Variants in USP25 observed in about 807,000 individuals in gnomAD.
USP25 encodes the protein ubiquitin carboxyl-terminal hydrolase 25.
A neutral mutation model predicts 158.5 loss-of-function variants in USP25; 85 were observed. That is an observed-to-expected ratio of 0.54 (90% CI 0.45 to 0.64). The LOEUF is 0.64. Among genes scored for constraint, USP25 ranks in the 30% least tolerant of loss-of-function variants. The pLI, the probability that USP25 is intolerant of heterozygous loss-of-function variation, is 0.00. For missense variants in USP25, 1,242 were observed against 1,327.3 expected, an observed-to-expected ratio of 0.94 and a Z score of 1.00; for synonymous variants, 464 against 460.4, an observed-to-expected ratio of 1.01 and a Z score of -0.10.
chr21:15,738,148 A>C (rs977133958), intron 1 of USP25, among the ~76,000 whole-genome samples: 1 of 152,044 alleles, frequency 6.6e-6, no homozygotes, highest in Admixed American at 6.5e-5. Context: ...TTAATGCAAA[A>C]TTTTTTTCCC....
At chr21:15,872,799 G>C (rs934844565) in intron 23 of USP25, among the ~76,000 whole-genome samples, 1 of 152,004 alleles carries the variant, frequency 6.6e-6, no homozygotes, top group Non-Finnish European at 1.5e-5. Flanking sequence ...TTTAACATTT[G>C]GGATGTGGAA....
intron 17 of USP25, among the ~76,000 whole-genome samples, chr21:15,835,324 A>G (rs1391277903): frequency 6.6e-6 from 1 of 152,094 alleles, no homozygotes; most frequent in African/African-American, 2.4e-5. Flanking sequence ...CATCTCTCCA[A>G]ATTTTCAGAG....
chr21:15,788,823 T>C (rs1035991455), intron 4 of USP25, among the ~76,000 whole-genome samples: 1 of 152,112 alleles, frequency 6.6e-6, no homozygotes, highest in Admixed American at 6.6e-5. Context: ...ACCATATGAC[T>C]GAATTGAGCT....
intron 17 of USP25, among the ~76,000 whole-genome samples, chr21:15,838,686 A>G (rs2038180780): frequency 6.6e-6 from 1 of 152,194 alleles, no homozygotes; most frequent in Non-Finnish European, 1.5e-5. Context: ...TCCGCTTTAA[A>G]TCTTCTTCAG....
rs2146351152 is a variant in USP25 at position 15,824,028 on chromosome 21, T to C, written c.1081-11T>C. On this transcript the variant is annotated splice_polypyrimidine_tract_variant and intron_variant, in intron 10 of 25. Transcript: ENST00000400183. ...TATTAAAGTTTTTGTTATTGTTTTATTTCCTTTCAGCATTGGTTTACTGAA... is the reference window on the plus strand; with the variant it reads ...TATTAAAGTTTTTGTTATTGTTTTACTTCCTTTCAGCATTGGTTTACTGAA... 13 of 1,609,052 alleles carry C rather than the reference T, an allele frequency of 8.1e-6. No homozygotes were observed. Among genetic ancestry groups the C allele is most frequent in the Non-Finnish European group, 1.1e-5 (13 of 1,177,378 alleles).
chr21:15,782,629 G>T (rs1346057305), intron 4 of USP25, among the ~76,000 whole-genome samples: 1 of 152,112 alleles, frequency 6.6e-6, no homozygotes, highest in African/African-American at 2.4e-5. Context: ...GATAATCACG[G>T]ACATCGCAGG....
At position 15,744,391 on chromosome 21, in the gene USP25, A is replaced by G. The variant is rs193101504; in HGVS notation, c.45+13953A>G. The G allele has an allele frequency of 1.6e-3, 248 of 152,604 alleles. 1 individual carries two copies. Among genetic ancestry groups the G allele is most frequent in the Non-Finnish European group, 2.7e-3 (183 of 68,388 alleles). 9.5% of individuals were successfully genotyped at this position (152,604 alleles called of 1,614,324 possible). A position where few individuals can be genotyped will look rare whatever the true frequency, so the allele number is the denominator to read the frequency against. On this transcript the variant is annotated intron_variant, in intron 1 of 25. Transcript: ENST00000400183. ...ACCCAGGCTGGAGTGCAGTGGTGCA[A>G]TCTGGCTCACTGCAACCTCTGCCTC... is the stretch of plus-strand genomic sequence containing the variant.
intron 19 of USP25, among the ~76,000 whole-genome samples, chr21:15,848,530 G>GT (rs143183756): frequency 0.076 from 11,505 of 152,086 alleles, 495 homozygotes; most frequent in East Asian, 0.098. Context: ...AGAGGAGGCC[G>GT]TAACTATTGG....
At chr21:15,831,685 A>G (rs2037812340) in intron 16 of USP25, 56 bp downstream of exon 16, 3 of 1,390,332 alleles carry the variant, frequency 2.2e-6, no homozygotes, top group Non-Finnish European at 3.0e-6. Flanking sequence ...TGGCTCTGGT[A>G]TGTGGTGTGA....
rs377474622 is a variant in USP25 at position 15,742,978 on chromosome 21, C to T, written c.45+12540C>T. ...GTGGTGGAACCCAGAAACTCGGAGA[C>T]GGCAGCAACCGTGGAGCCCCAAGGG... On this transcript the variant is annotated intron_variant, in intron 1 of 25. Coordinates refer to ENST00000400183, the MANE Select transcript of USP25 (RefSeq NM_001283041.3). 1.8e-4 allele frequency among the ~76,000 whole-genome samples: 27 copies of T among 152,336 alleles called. No individual in the cohort carries two copies. In the East Asian group the frequency reaches 3.7e-3, roughly 21 times the overall value.
chr21:15,811,066 G>C (rs2036635397), intron 8 of USP25, 71 bp from the exon 9 acceptor site: 4 of 1,347,446 alleles, frequency 3.0e-6, no homozygotes, highest in South Asian at 2.6e-5. Context: ...ATATGTTATA[G>C]TTCTTTAATA....
intron 5 of USP25, among the ~76,000 whole-genome samples, chr21:15,797,992 T>C (rs1267864223): frequency 6.6e-6 from 1 of 151,232 alleles, no homozygotes; most frequent in Non-Finnish European, 1.5e-5. Flanking sequence ...AAAAACATAA[T>C]ATATATGGAG....
chr21:15,866,689 T>G (rs1311746613), intron 22 of USP25, among the ~76,000 whole-genome samples: 1 of 152,150 alleles, frequency 6.6e-6, no homozygotes, highest in Non-Finnish European at 1.5e-5. Flanking sequence ...TGCTGTTACA[T>G]AATACCAACA....
chr21:15,815,873 G>GT (rs1375830325), intron 9 of USP25, among the ~76,000 whole-genome samples: 2 of 152,190 alleles, frequency 1.3e-5, no homozygotes, highest in African/African-American at 4.8e-5. Flanking sequence ...TTACAGGCTT[G>GT]TAGGCGGAAG....
Position 15,833,380 on chromosome 21 carries a change from G to C in USP25, c.2026G>C (p.Val676Leu). Residue 676 changes from valine (V) to leucine (L), a missense_variant, in exon 17 of 26, where the codon GTT becomes CTT. Physicochemically the swap from Val to Leu is conservative, Grantham distance 32. Around this residue, in one of 3 missense-constraint regions of USP25, gnomAD observed 608 missense variants for 605.2 expected, o/e 1.00. Transcript: ENST00000400183. Reference sequence around the variant, plus strand: ...TAATAAAGAAACTGGGCAGCCCCTTGTTGGTATAGAAACATTACCACCGGA... The same window carrying C: ...TAATAAAGAAACTGGGCAGCCCCTTCTTGGTATAGAAACATTACCACCGGA... The part of the protein sequence containing the change: ...EFNKETGQPL[V>L]GIETLPPDLR... 2 of 1,613,772 alleles carry C rather than the reference G, an allele frequency of 1.2e-6. No homozygotes were observed. Among genetic ancestry groups the C allele is most frequent in the Non-Finnish European group, 1.7e-6 (2 of 1,179,852 alleles).
chr21:15,826,262 G>A lies in USP25; in HGVS notation c.1363G>A (p.Ala455Thr), dbSNP rs1294449292. 1 of 1,613,962 alleles carries A rather than the reference G, an allele frequency of 6.2e-7. No homozygotes were observed. The highest frequency in any genetic ancestry group is 1.3e-5 in the African/African-American group (1 of 74,930). ...RFPLVDVLQY[A>T]LEFASSKPVC... The stretch of plus-strand genomic sequence containing the variant: ...CCCCTTGGTAGATGTTCTTCAGTAT[G>A]CATTGGAATTTGCCTCAAGTAAACC... The change falls in exon 13 of 26, where the codon GCA (alanine) becomes ACA (threonine). Residue 455 changes from alanine (A) to threonine (T), a missense_variant. This residue lies in a region of USP25 where 627 missense variants were observed against 701.4 expected (regional missense o/e 0.89). Coordinates refer to ENST00000400183, the MANE Select transcript of USP25 (RefSeq NM_001283041.3). This position sits in a 1 kb window ranked among gnomAD's most constrained non-coding sequence, Gnocchi z 4.8.
At chr21:15,749,398 T>C (rs2032817944) in intron 1 of USP25, among the ~76,000 whole-genome samples, 1 of 152,234 alleles carries the variant, frequency 6.6e-6, no homozygotes, top group Non-Finnish European at 1.5e-5. Context: ...TCTGATTTCT[T>C]TGCAAGCTTT....
chr21:15,815,519 G>A (rs1372083567), intron 9 of USP25, among the ~76,000 whole-genome samples: 1 of 152,188 alleles, frequency 6.6e-6, no homozygotes, highest in African/African-American at 2.4e-5. Flanking sequence ...CACAGGGGCG[G>A]AGCTGCCCAG....
At chr21:15,819,806 A>G (rs1315158990) in intron 10 of USP25, among the ~76,000 whole-genome samples, 1 of 151,852 alleles carries the variant, frequency 6.6e-6, no homozygotes, top group Non-Finnish European at 1.5e-5. Context: ...TTTTTTTCTT[A>G]AAGATGCAGT....
Sources: gnomAD v4.1 joint callset for allele counts (sites outside exome capture counted in the v4.1 genomes callset) on GRCh38, gnomAD v4.1.1 for gene constraint, gnomAD v4.1.1 regional missense constraint, Gnocchi (gnomAD v3.1) non-coding constraint, MANE v1.5 for transcripts, NCBI Gene and HGNC (gene_info 2026-07-23, HGNC 2026-07-21) for gene names.